The following ZNF33B variants were observed in gnomAD, a reference collection of about 807,000 sequenced individuals.
ZNF33B encodes the protein zinc finger protein 11b (KOX 2).
Under a neutral mutation model 45.8 loss-of-function variants are expected in ZNF33B, and 29 were observed. The ratio of observed to expected loss-of-function variants is 0.63; its 90% CI spans 0.47 to 0.86. The LOEUF is 0.86. ZNF33B is among the 40% of genes least tolerant of loss of function. ZNF33B has a pLI of 0.00. For synonymous variants in ZNF33B, 305 were observed against 307.8 expected, an observed-to-expected ratio of 0.99 and a Z score of 0.10; for missense variants, 831 against 909.9, an observed-to-expected ratio of 0.91 and a Z score of 1.12.
chr10:42,588,623 G>A (rs191275728), downstream of ZNF33B, among the ~76,000 whole-genome samples: 89 of 152,334 alleles, frequency 5.8e-4, no homozygotes, highest in African/African-American at 1.9e-3. Context: ...GAAAGGTGAG[G>A]AGGACACCAC....
downstream of ZNF33B, among the ~76,000 whole-genome samples, chr10:42,585,191 C>G (rs1430432118): frequency 6.6e-6 from 1 of 152,182 alleles, no homozygotes; most frequent in Non-Finnish European, 1.5e-5. Context: ...TCATGGCCTA[C>G]GTGATTGTTT....
At chr10:42,579,213 A>G (rs1344730247) in intron 1 of ZNF33B, among the ~76,000 whole-genome samples, 1 of 152,096 alleles carries the variant, frequency 6.6e-6, no homozygotes, top group African/African-American at 2.4e-5. Context: ...AACAATTTCT[A>G]TTTTTATCTT....
chr10:42,630,361 G>C (rs917302724), intron 4 of ZNF33B, among the ~76,000 whole-genome samples: 15 of 152,134 alleles, frequency 9.9e-5, no homozygotes, highest in African/African-American at 3.4e-4. Flanking sequence ...CAGGGAATGT[G>C]TTGTTTCTCT....
chr10:42,584,346 G>A (rs12412177), downstream of ZNF33B, among the ~76,000 whole-genome samples: 740 of 152,220 alleles, frequency 4.9e-3, 27 homozygotes, highest in Admixed American at 0.043. Context: ...AGCAAGGATC[G>A]CAACAACAAG....
chr10:42,621,485 C>T (rs1319858211), intron 4 of ZNF33B, among the ~76,000 whole-genome samples: 1 of 150,878 alleles, frequency 6.6e-6, no homozygotes, highest in Non-Finnish European at 1.5e-5. Context: ...ACCAAGTGAC[C>T]AAGGGGGACT....
At chr10:42,632,142 G>T in intron 3 of ZNF33B, 118 bp from the exon 4 acceptor site, 8 of 1,463,068 alleles carry the variant, frequency 5.5e-6, no homozygotes, top group Non-Finnish European at 7.5e-6. Flanking sequence ...CACTGGAGAG[G>T]TGAACACAAG....
At chr10:42,601,349 C>T (rs573227299) in intron 4 of ZNF33B, among the ~76,000 whole-genome samples, 1 of 151,724 alleles carries the variant, frequency 6.6e-6, no homozygotes, top group East Asian at 2.0e-4. Flanking sequence ...GAAATTTTTT[C>T]ATTATTCTCA....
chr10:42,592,825 T>A lies in ZNF33B; in HGVS notation c.2125A>T (p.Thr709Ser). 6.2e-7 allele frequency: 1 copy of A among 1,614,146 alleles called. No individual in the cohort carries two copies. The highest frequency in any genetic ancestry group is 1.3e-5 in the African/African-American group (1 of 75,048). The part of the protein sequence containing the change: ...GKSFSHKSSL[T>S]VHHRAHTGEK... ...CCTGTGTGAGCCCTGTGATGTACTG[T>A]GAGTGATGATTTGTGACTGAAGGAT... Residue 709 changes from threonine to serine, a missense_variant, in exon 5 of 5, where the codon ACA (threonine) becomes TCA (serine). Transcript: ENST00000359467.
rs1477314992 is a variant in ZNF33B, at chr10:42,589,159, G to C, written c.*3454C>G. ...TACTTAATACACTTCATTTTTTAGA[G>C]CAGCTTTAGGGTTACAGAAAAATTG... On this transcript the variant is annotated 3_prime_UTR_variant, in exon 5 of 5. Coordinates refer to ENST00000359467, the MANE Select transcript of ZNF33B (RefSeq NM_006955.3). The C allele has an allele frequency of 5.0e-6, 1 of 198,794 alleles. No individual in the cohort carries two copies. Among genetic ancestry groups the C allele is most frequent in the East Asian group, 1.9e-4 (1 of 5,396 alleles). 12.3% of individuals were successfully genotyped at this position (198,794 alleles called of 1,614,324 possible). A position where few individuals can be genotyped will look rare whatever the true frequency, so the allele number is the denominator to read the frequency against.
intron 1 of ZNF33B, among the ~76,000 whole-genome samples, chr10:42,575,734 A>T (rs1240364843): frequency 2.0e-5 from 3 of 146,654 alleles, no homozygotes; most frequent in African/African-American, 7.5e-5. Context: ...ATATACATAT[A>T]TATTTTTTTT....
chr10:42,576,347 C>T (rs1212992428), intron 1 of ZNF33B, among the ~76,000 whole-genome samples: 1 of 152,130 alleles, frequency 6.6e-6, no homozygotes, highest in Non-Finnish European at 1.5e-5. Context: ...ATTCGAATTG[C>T]TTATTAATAT....
At chr10:42,588,317 G>A (rs923478645), downstream of ZNF33B, among the ~76,000 whole-genome samples, 1 of 152,220 alleles carries the variant, frequency 6.6e-6, no homozygotes, top group Non-Finnish European at 1.5e-5. Flanking sequence ...CCTAAGAAAA[G>A]TGCATTACAG....
chr10:42,636,744 C>T, intron 2 of ZNF33B, 176 bp downstream of exon 2: 1 of 787,666 alleles, frequency 1.3e-6, no homozygotes, highest in Admixed American at 2.7e-5. Context: ...TGCTTGAACC[C>T]AGGAGGCAGA....
chr10:42,575,414 G>C (rs1836734151), intron 1 of ZNF33B, among the ~76,000 whole-genome samples: 1 of 152,154 alleles, frequency 6.6e-6, no homozygotes, highest in Non-Finnish European at 1.5e-5. Flanking sequence ...GAGGGAACCT[G>C]GCCCTGCCTA....
chr10:42,628,045 C>T (rs1838889541), intron 4 of ZNF33B, among the ~76,000 whole-genome samples: 1 of 152,012 alleles, frequency 6.6e-6, no homozygotes, highest in African/African-American at 2.4e-5. Flanking sequence ...GAGACAGAAT[C>T]TCACTCTGTA....
chr10:42,618,388 C>T (rs1271883064), intron 4 of ZNF33B, among the ~76,000 whole-genome samples: 1 of 152,170 alleles, frequency 6.6e-6, no homozygotes, highest in East Asian at 1.9e-4. Flanking sequence ...ACCCATAAAA[C>T]TGCTATAAAA....
chr10:42,631,905 T>A (rs990597463), intron 4 of ZNF33B, 24 bp downstream of exon 4: 18 of 1,582,690 alleles, frequency 1.1e-5, no homozygotes, highest in Admixed American at 3.4e-5. Flanking sequence ...CTGATGTGAA[T>A]CTGTGCAGTA....
intron 1 of ZNF33B, chr10:42,579,675 T>A (rs780402595): frequency 1.3e-5 from 2 of 152,888 alleles, no homozygotes; most frequent in Non-Finnish European, 2.9e-5. Context: ...AACAAATCCT[T>A]CCCATGGCTT....
At chr10:42,579,233 G>C (rs1016846100) in intron 1 of ZNF33B, among the ~76,000 whole-genome samples, 1 of 152,030 alleles carries the variant, frequency 6.6e-6, no homozygotes, top group Non-Finnish European at 1.5e-5. Context: ...TAAGATTCAG[G>C]GGGTACATGT....
Sources: allele counts gnomAD v4.1 joint callset (sites outside exome capture counted in the v4.1 genomes callset), GRCh38; gene constraint gnomAD v4.1.1; transcripts MANE v1.5; gene names NCBI Gene and HGNC (gene_info 2026-07-23, HGNC 2026-07-21).